KCNIP4: variants seen among roughly 807,000 people sequenced by gnomAD.
KCNIP4 encodes the protein potassium voltage-gated channel interacting protein 4.
In KCNIP4, 12 loss-of-function variants were observed where a neutral mutation model predicts 34.0. That is an observed-to-expected ratio of 0.35 (90% CI 0.23 to 0.57). The LOEUF is 0.57. Ranked by LOEUF, KCNIP4 falls within the 20% of genes least tolerant of loss-of-function variation. The pLI is 0.83. For missense variants in KCNIP4, 238 were observed against 311.7 expected (o/e 0.76, Z 1.78); for synonymous variants, 124 against 102.2 (o/e 1.21, Z -1.29).
chr4:21,810,072 G>T (rs1456899072), intron 1 of KCNIP4, among the ~76,000 whole-genome samples: 2 of 152,116 alleles, frequency 1.3e-5, no homozygotes, highest in African/African-American at 2.4e-5. Context: ...GAAAAGCCAA[G>T]GTTAGATCAC....
At chr4:21,298,124 G>T (rs1172015333) in intron 1 of KCNIP4, among the ~76,000 whole-genome samples, 1 of 152,016 alleles carries the variant, frequency 6.6e-6, no homozygotes, top group Non-Finnish European at 1.5e-5. Context: ...TAATTCCAAG[G>T]CGAGGCATAT....
intron 4 of KCNIP4, among the ~76,000 whole-genome samples, chr4:20,757,466 A>G (rs962687249): frequency 6.6e-6 from 1 of 152,138 alleles, no homozygotes; most frequent in Non-Finnish European, 1.5e-5. Context: ...CTCAAGGATA[A>G]AGTCCCATTT....
intron 1 of KCNIP4, among the ~76,000 whole-genome samples, chr4:21,589,176 A>G (rs1248893908): frequency 3.2e-5 from 2 of 62,452 alleles, no homozygotes; most frequent in African/African-American, 1.3e-4. Flanking sequence ...ATATATATAT[A>G]TATATATATA....
At chr4:21,493,292 T>C (rs1258599484) in intron 1 of KCNIP4, among the ~76,000 whole-genome samples, 2 of 152,056 alleles carry the variant, frequency 1.3e-5, no homozygotes, top group Non-Finnish European at 2.9e-5. Flanking sequence ...CCCTCTTAGC[T>C]GAAGTGCCAT....
intron 1 of KCNIP4, among the ~76,000 whole-genome samples, chr4:21,082,725 G>A (rs1361460449): frequency 2.0e-5 from 3 of 151,752 alleles, no homozygotes; most frequent in African/African-American, 7.3e-5. Flanking sequence ...TAGAACTGAA[G>A]AAGCTGGCTC....
intron 1 of KCNIP4, among the ~76,000 whole-genome samples, chr4:21,088,929 C>T (rs546970633): frequency 6.6e-6 from 1 of 152,116 alleles, no homozygotes; most frequent in Non-Finnish European, 1.5e-5. Flanking sequence ...TACAATACCC[C>T]AATCAGTGCC....
At chr4:21,223,395 C>A (rs1758122155) in intron 1 of KCNIP4, among the ~76,000 whole-genome samples, 1 of 152,178 alleles carries the variant, frequency 6.6e-6, no homozygotes, top group African/African-American at 2.4e-5. Context: ...ACCTCCAGAA[C>A]TGTAACAGAA....
intron 3 of KCNIP4, among the ~76,000 whole-genome samples, chr4:20,817,699 G>A (rs1015267845): frequency 1.4e-5 from 2 of 143,724 alleles, no homozygotes; most frequent in East Asian, 2.0e-4. Flanking sequence ...TTTCCTGCCT[G>A]GTCAGTGTTC....
At chr4:21,683,277 C>G (rs765289438) in intron 1 of KCNIP4, among the ~76,000 whole-genome samples, 4 of 151,828 alleles carry the variant, frequency 2.6e-5, no homozygotes, top group African/African-American at 4.8e-5. Flanking sequence ...TGTTACTGAA[C>G]AATTACACAT....
chr4:21,947,185 GAACTC>G (rs1212191249), intron 1 of KCNIP4, among the ~76,000 whole-genome samples: 9 of 152,058 alleles, frequency 5.9e-5, no homozygotes, highest in Non-Finnish European at 1.0e-4. Flanking sequence ...GAGACCCTAC[GAACTC>G]AACTCAACAC....
chr4:21,480,473 C>A (rs1191887452), intron 1 of KCNIP4, among the ~76,000 whole-genome samples: 1 of 152,078 alleles, frequency 6.6e-6, no homozygotes, highest in Non-Finnish European at 1.5e-5. Context: ...AAACATCATA[C>A]TTTATAATGA....
chr4:21,916,113 C>T (rs1397018750), intron 1 of KCNIP4, among the ~76,000 whole-genome samples: 5 of 152,146 alleles, frequency 3.3e-5, no homozygotes, highest in Non-Finnish European at 5.9e-5. Flanking sequence ...CTCACTGGAC[C>T]AACATAATAT....
chr4:21,588,446 A>G (rs1433939992), intron 1 of KCNIP4, among the ~76,000 whole-genome samples: 1 of 152,028 alleles, frequency 6.6e-6, no homozygotes, highest in Admixed American at 6.6e-5. Context: ...GATGCTAATT[A>G]GGTATGTGAG....
intron 1 of KCNIP4, among the ~76,000 whole-genome samples, chr4:21,281,531 T>C (rs1238134526): frequency 6.6e-6 from 1 of 152,202 alleles, no homozygotes; most frequent in African/African-American, 2.4e-5. Flanking sequence ...GTAGAGAAAC[T>C]TGAACTCCAG....
intron 1 of KCNIP4, among the ~76,000 whole-genome samples, chr4:21,308,657 C>G (rs191879775): frequency 6.6e-6 from 1 of 152,086 alleles, no homozygotes; most frequent in Admixed American, 6.6e-5. Flanking sequence ...AAAGATTTCT[C>G]GCCCTTTCTG....
intron 2 of KCNIP4, among the ~76,000 whole-genome samples, chr4:20,861,999 T>C (rs1338842998): frequency 1.3e-5 from 2 of 149,684 alleles, no homozygotes; most frequent in East Asian, 4.0e-4. Context: ...TTATTATTAT[T>C]ATTATTATTG....
chr4:21,468,379 G>A (rs546959648), intron 1 of KCNIP4, among the ~76,000 whole-genome samples: 1 of 152,124 alleles, frequency 6.6e-6, no homozygotes, highest in Non-Finnish European at 1.5e-5. Flanking sequence ...GTACTGCCTC[G>A]GTACCGGAGC....
rs568288928 is a variant in KCNIP4, at chr4:21,697,701, C to T, written c.61+250870G>A. The T allele has an allele frequency of 1.1e-3, 1,399 of 1,236,146 alleles. 42 individuals are homozygous for T. In the South Asian group the frequency reaches 0.034, roughly 30 times the overall value. The allele number at this position is 1,236,146 out of a possible 1,614,324, so 76.6% of individuals were successfully genotyped here. ...TGGTGACCAAGTTCTTCTGTGGCAA[C>T]AGACAGGCTGCCGGTTCACACTTGT... is the stretch of plus-strand genomic sequence containing the variant. On this transcript the variant is annotated intron_variant, in intron 1 of 8. Transcript: ENST00000382152.
intron 1 of KCNIP4, among the ~76,000 whole-genome samples, chr4:20,929,855 TA>T (rs56802948): frequency 0.14 from 20,503 of 151,836 alleles, 1,948 homozygotes; most frequent in African/African-American, 0.28. Context: ...AAACCTTTGA[TA>T]AAAAAAGTTG....
Sources: allele counts gnomAD v4.1 joint callset (sites outside exome capture counted in the v4.1 genomes callset), GRCh38; gene constraint gnomAD v4.1.1; transcripts MANE v1.5; gene names NCBI Gene and HGNC (gene_info 2026-07-23, HGNC 2026-07-21).